ABCA9: variants seen among roughly 807,000 people sequenced by gnomAD.
ABCA9 encodes the protein ATP binding cassette subfamily A member 9, also known as ATP-binding cassette sub-family A member 9.
In ABCA9, 183 loss-of-function variants were observed where a neutral mutation model predicts 205.3. The ratio of observed to expected loss-of-function variants is 0.89; its 90% CI spans 0.79 to 1.01. The LOEUF is 1.01. Ranked by LOEUF, ABCA9 falls within the 50% of genes least tolerant of loss-of-function variation. ABCA9 has a pLI of 0.00. For missense variants in ABCA9, 1,805 were observed against 1,912.4 expected (o/e 0.94, Z 1.05); for synonymous variants, 651 against 683.3 (o/e 0.95, Z 0.74).
At chr17:69,016,987 T>C (rs1200188427) in intron 21 of ABCA9, among the ~76,000 whole-genome samples, 1 of 152,144 alleles carries the variant, frequency 6.6e-6, no homozygotes, top group African/African-American at 2.4e-5. Flanking sequence ...TCAAGTGTAT[T>C]GTATTTAACC....
rs761914979 is a variant in ABCA9, at chr17:69,021,840, C to G, written c.2303G>C (p.Arg768Thr). ...ATCCTCAATGCCTTGGTTAGAACATCTATCAAGATCCCTGTAAAGTTCTAA... is the reference window on the plus strand; with the variant it reads ...ATCCTCAATGCCTTGGTTAGAACATGTATCAAGATCCCTGTAAAGTTCTAA... ...KFPELYRDLDRCSNQGIEDYG... is the reference protein window; with the variant it reads ...KFPELYRDLDTCSNQGIEDYG... The change falls in exon 18 of 39, where the codon AGA becomes ACA. Residue 768 changes from arginine (R) to threonine (T), a missense_variant. Coordinates refer to ENST00000340001, the MANE Select transcript of ABCA9 (RefSeq NM_080283.4). The G allele has an allele frequency of 6.5e-6, 10 of 1,546,388 alleles. No individual in the cohort carries two copies. The highest frequency in any genetic ancestry group is 8.8e-6 in the Non-Finnish European group (10 of 1,135,764).
Position 68,986,223 on chromosome 17 carries a change from C to A in ABCA9, c.4149G>T (p.Leu1383=). The change falls in exon 32 of 39, where the codon CTG becomes CTT. Residue 1383 remains leucine, a synonymous_variant. Coordinates refer to ENST00000340001, the MANE Select transcript of ABCA9 (RefSeq NM_080283.4). ...LWPNLTVRQH[L]EVYAAVKGLR... ...GACCTTTCACGGCAGCGTACACCTC[C>A]AGGTGCTGCCTCACTGTCAGGTTGG... The A allele has an allele frequency of 6.2e-7, 1 of 1,613,906 alleles. No homozygotes were observed. The highest frequency in any genetic ancestry group is 8.5e-7 in the Non-Finnish European group (1 of 1,179,888).
chr17:69,048,671 TAG>T (rs2071800628), intron 3 of ABCA9, among the ~76,000 whole-genome samples: 2 of 152,314 alleles, frequency 1.3e-5, no homozygotes, highest in South Asian at 4.1e-4. Flanking sequence ...AAAACTATAC[TAG>T]TAATAAAATT....
At chr17:69,017,550 C>T in intron 21 of ABCA9, 106 bp downstream of exon 21, 1 of 1,246,610 alleles carries the variant, frequency 8.0e-7, no homozygotes, top group South Asian at 1.5e-5. Flanking sequence ...AGAACTATCC[C>T]ATTTGTTTGT....
chr17:69,018,250 C>A (rs959067716), intron 20 of ABCA9, 163 bp downstream of exon 20: 3 of 589,130 alleles, frequency 5.1e-6, no homozygotes, highest in Non-Finnish European at 8.1e-6. Context: ...AAAACAAACT[C>A]TCCCATGTCG....
chr17:69,060,178 G>GA (rs2072198021), intron 1 of ABCA9, among the ~76,000 whole-genome samples: 1 of 152,042 alleles, frequency 6.6e-6, no homozygotes, highest in Non-Finnish European at 1.5e-5. Context: ...AAATATCAGA[G>GA]AAAAAATATA....
At chr17:69,063,177 ATCTC>A (rs35419656), upstream of ABCA9, among the ~76,000 whole-genome samples, 4 of 151,930 alleles carry the variant, frequency 2.6e-5, no homozygotes, top group South Asian at 8.3e-4. Flanking sequence ...ATTTGCATAT[ATCTC>A]TGTTTATTCC....
At chr17:69,076,001 T>C in the ABCA9 span, among the ~76,000 whole-genome samples, 1 of 152,106 alleles carries the variant, frequency 6.6e-6, no homozygotes, top group Admixed American at 6.5e-5. Flanking sequence ...TCTATTTGGA[T>C]ACTTTCTATT....
At chr17:69,000,343 A>G (rs1271663838) in intron 25 of ABCA9, among the ~76,000 whole-genome samples, 2 of 150,150 alleles carry the variant, frequency 1.3e-5, no homozygotes, top group Non-Finnish European at 3.0e-5. Context: ...CTTTCTACAT[A>G]TGGCTAGCCA....
At chr17:69,000,204 G>A (rs1308437449) in intron 25 of ABCA9, among the ~76,000 whole-genome samples, 5 of 152,036 alleles carry the variant, frequency 3.3e-5, no homozygotes, top group African/African-American at 9.6e-5. Flanking sequence ...CCTTGCCCAT[G>A]CCTATGTCCT....
chr17:69,065,909 CT>C (rs2072344622), upstream of ABCA9, among the ~76,000 whole-genome samples: 1 of 152,106 alleles, frequency 6.6e-6, no homozygotes, highest in Admixed American at 6.5e-5. Flanking sequence ...TTATAAGGGG[CT>C]TTTCCCCCCT....
In ABCA9 at chr17:69,023,972, T is replaced by C. The variant is rs144397345; in HGVS notation, c.2281+242A>G. Among the ~76,000 whole-genome samples the C allele has an allele frequency of 5.2e-4, 78 of 151,104 alleles. No homozygotes were observed. The highest frequency in any genetic ancestry group is 1.9e-3 in the African/African-American group (76 of 40,442). The stretch of plus-strand genomic sequence containing the variant: ...TATCTTGCTGCTAGCCTACGCCTCT[T>C]AATTGCACTTAATTGACTTGAAGCA... On this transcript the variant is annotated intron_variant, in intron 17 of 38. Transcript: ENST00000340001. This position sits in a 1 kb window ranked among gnomAD's most constrained non-coding sequence, Gnocchi z 4.2.
chr17:68,978,885 G>A (rs1200629894), intron 37 of ABCA9, among the ~76,000 whole-genome samples: 3 of 152,104 alleles, frequency 2.0e-5, no homozygotes, highest in Non-Finnish European at 4.4e-5. Context: ...ACAAGACAGG[G>A]ATGCCCTCTC....
intron 31 of ABCA9, among the ~76,000 whole-genome samples, chr17:68,987,607 G>A (rs2069278164): frequency 1.3e-5 from 2 of 152,154 alleles, no homozygotes; most frequent in Admixed American, 1.3e-4. Flanking sequence ...GCGAGAAGGT[G>A]CCTCAAGGCC....
chr17:69,041,915 AT>A (rs1433943733), intron 6 of ABCA9, among the ~76,000 whole-genome samples: 1 of 151,978 alleles, frequency 6.6e-6, no homozygotes, highest in Non-Finnish European at 1.5e-5. Flanking sequence ...CATAAACTTT[AT>A]TTTTTTCTAC....
chr17:69,067,402 G>T, the ABCA9 span, among the ~76,000 whole-genome samples: 1 of 151,690 alleles, frequency 6.6e-6, no homozygotes, highest in Non-Finnish European at 1.5e-5. Context: ...CAAAAAATCA[G>T]CCAGGTGTGG....
At chr17:69,066,997 A>C in the ABCA9 span, among the ~76,000 whole-genome samples, 1 of 152,316 alleles carries the variant, frequency 6.6e-6, no homozygotes, top group East Asian at 1.9e-4. Flanking sequence ...ATCGATAGCT[A>C]TTGAAACTGA....
chr17:69,047,247 A>T (rs1034463083), intron 3 of ABCA9, among the ~76,000 whole-genome samples: 1 of 150,680 alleles, frequency 6.6e-6, no homozygotes, highest in Admixed American at 6.7e-5. Context: ...CACTCAGCCT[A>T]TACAATATTT....
chr17:69,063,230 C>T (rs1193791593), upstream of ABCA9, among the ~76,000 whole-genome samples: 1 of 152,116 alleles, frequency 6.6e-6, no homozygotes, highest in Non-Finnish European at 1.5e-5. Context: ...TACAATTTTC[C>T]TTGCCTTTTG....
Sources: allele counts gnomAD v4.1 joint callset (sites outside exome capture counted in the v4.1 genomes callset), GRCh38; gene constraint gnomAD v4.1.1; non-coding constraint Gnocchi (gnomAD v3.1); transcripts MANE v1.5; gene names NCBI Gene and HGNC (gene_info 2026-07-23, HGNC 2026-07-21).